Variants in PSMA4 observed in about 807,000 individuals in gnomAD.
The protein encoded by PSMA4 is proteasome subunit alpha type-4.
In PSMA4, 8 loss-of-function variants were observed where a neutral mutation model predicts 37.2. The ratio of observed to expected loss-of-function variants is 0.22; its 90% CI spans 0.13 to 0.39. The LOEUF is 0.39. PSMA4 is among the 10% of genes least tolerant of loss of function. PSMA4 has a pLI of 1.00. For synonymous variants in PSMA4, 93 were observed against 98.8 expected, an observed-to-expected ratio of 0.94 and a Z score of 0.35; for missense variants, 169 against 305.1, an observed-to-expected ratio of 0.55 and a Z score of 3.32.
At position 78,550,403 on chromosome 15, in the gene PSMA4, T is replaced by G. The variant is rs988955357; in HGVS notation, c.*1459T>G. ...CTGGAGTGCAGTGGCGTGATCATAT[T>G]TCACTGCAGGCTCAAACGGTCTTCC... On this transcript the variant is annotated 3_prime_UTR_variant, in exon 9 of 9. Coordinates refer to ENST00000044462, the MANE Select transcript of PSMA4 (RefSeq NM_002789.6). 2 of 152,342 alleles carry G rather than the reference T, an allele frequency of 1.3e-5. No homozygotes were observed. Among genetic ancestry groups the G allele is most frequent in the African/African-American group, 4.8e-5 (2 of 41,450 alleles). The allele number at this position is 152,342 out of a possible 1,614,324, so 9.4% of individuals were successfully genotyped here.
intron 4 of PSMA4, among the ~76,000 whole-genome samples, chr15:78,543,498 CCT>C (rs2052493060): frequency 6.6e-6 from 1 of 152,084 alleles, no homozygotes; most frequent in Admixed American, 6.6e-5. Context: ...GCCATTGTCC[CCT>C]GTCACCTCTG....
Position 78,546,672 on chromosome 15 carries a change from A to C in PSMA4, c.605A>C (p.Asp202Ala). The change falls in exon 8 of 9, where the codon GAT becomes GCT. Residue 202 changes from aspartate to alanine, a missense_variant. Coordinates refer to ENST00000044462, the MANE Select transcript of PSMA4 (RefSeq NM_002789.6). ...LAIKVLNKTM[D>A]VSKLSAEKVE... ...ATCAAAGTACTAAATAAGACCATGG[A>C]TGTTAGTAAACTCTCTGCTGAAAAA... 1 of 1,601,812 alleles carries C rather than the reference A, an allele frequency of 6.2e-7. No homozygotes were observed. Among genetic ancestry groups the C allele is most frequent in the Non-Finnish European group, 8.5e-7 (1 of 1,176,584 alleles).
rs1183206290 is a variant in PSMA4 at position 78,551,660 on chromosome 15, C to T, written c.*2716C>T. 1.3e-5 allele frequency: 2 copies of T among 152,058 alleles called. No homozygotes were observed. The highest frequency in any genetic ancestry group is 1.9e-4 in the East Asian group (1 of 5,174). The allele number at this position is 152,058 out of a possible 1,614,324, so 9.4% of individuals were successfully genotyped here. A position where few individuals can be genotyped will look rare whatever the true frequency, so the allele number is the denominator to read the frequency against. ...CAGTACTTTGTTTTCATTCAATAGT[C>T]GTGTCTCGGTACCTAGAACAGAAAC... On this transcript the variant is annotated 3_prime_UTR_variant, in exon 9 of 9. Transcript: ENST00000044462.
rs41280048 is a variant in PSMA4, at chr15:78,549,249, G to A, written c.*305G>A. 2,911 of 206,528 alleles carry A rather than the reference G, an allele frequency of 0.014. 31 individuals carry two copies. Among genetic ancestry groups the A allele is most frequent in the South Asian group, 0.031 (197 of 6,264 alleles). 12.8% of individuals were successfully genotyped at this position (206,528 alleles called of 1,614,324 possible). On this transcript the variant is annotated 3_prime_UTR_variant, in exon 9 of 9. Coordinates refer to ENST00000044462, the MANE Select transcript of PSMA4 (RefSeq NM_002789.6). The stretch of plus-strand genomic sequence containing the variant: ...TTAAATATACAAAAACTGACAGGGC[G>A]ATTACTTTTTGCACATTGTGGCTTA...
chr15:78,541,556 G>C (rs1309487580), intron 1 of PSMA4: 1 of 298,392 alleles, frequency 3.4e-6, no homozygotes, highest in African/African-American at 2.3e-5. Flanking sequence ...CTTTCTCTTA[G>C]ACCCAAGGGT....
chr15:78,546,217 G>A (rs1188346669), intron 7 of PSMA4, among the ~76,000 whole-genome samples: 1 of 152,174 alleles, frequency 6.6e-6, no homozygotes. Context: ...GCCGAGGCAG[G>A]CAAATTGCTC....
At chr15:78,544,994 TAA>T (rs747824240) in intron 6 of PSMA4, 37 bp downstream of exon 6, 2 of 1,467,130 alleles carry the variant, frequency 1.4e-6, no homozygotes, top group Non-Finnish European at 1.9e-6. Flanking sequence ...TCGAAAAAGT[TAA>T]GACATTTTAT....
chr15:78,541,375 T>G (rs574439125), intron 1 of PSMA4: 51 of 159,214 alleles, frequency 3.2e-4, no homozygotes, highest in African/African-American at 1.1e-3. Context: ...GGCCTCAGCC[T>G]CTTGCCTTGG....
chr15:78,545,109 G>GTTTCAGTGATGTTC, intron 6 of PSMA4, 152 bp downstream of exon 6: 1 of 568,036 alleles, frequency 1.8e-6, no homozygotes, highest in Non-Finnish European at 3.1e-6. Context: ...ACATATTCAT[G>GTTTCAGTGATGTTC]AGGTACATAA....
intron 3 of PSMA4, 118 bp from the exon 4 acceptor site, chr15:78,542,365 C>A: frequency 7.1e-7 from 1 of 1,399,810 alleles, no homozygotes; most frequent in Non-Finnish European, 9.8e-7. Flanking sequence ...GTTGATTATA[C>A]CATAGAAGAG....
In PSMA4 at chr15:78,550,829, G is replaced by T. The variant is rs1000771959; in HGVS notation, c.*1885G>T. On this transcript the variant is annotated 3_prime_UTR_variant, in exon 9 of 9. Transcript: ENST00000044462. ...GGGTACTCAAAATTTTCACCACTCT[G>T]CATGTCAACAAATGACTAAAAGTAC... is the stretch of plus-strand genomic sequence containing the variant. The T allele has an allele frequency of 6.6e-6, 1 of 152,130 alleles. No homozygotes were observed. The highest frequency in any genetic ancestry group is 1.5e-5 in the Non-Finnish European group (1 of 68,032). The allele number at this position is 152,130 out of a possible 1,614,324, so 9.4% of individuals were successfully genotyped here. A position where few individuals can be genotyped will look rare whatever the true frequency, so the allele number is the denominator to read the frequency against.
chr15:78,547,421 A>T lies in PSMA4; in HGVS notation c.631+723A>T, dbSNP rs536141356. Among the ~76,000 whole-genome samples the T allele has an allele frequency of 7.9e-5, 12 of 152,348 alleles. No homozygotes were observed. In the East Asian group the frequency reaches 2.1e-3, roughly 27 times the overall value. On this transcript the variant is annotated intron_variant, in intron 8 of 8. Transcript: ENST00000044462. Reference sequence around the variant, plus strand: ...ATAGGTTTGGTATACTTTACCAGAGATACAACATTTGCGTGGGTTGTGATA... The same window carrying T: ...ATAGGTTTGGTATACTTTACCAGAGTTACAACATTTGCGTGGGTTGTGATA...
At position 78,550,679 on chromosome 15, in the gene PSMA4, T is replaced by C. The variant is rs1205109097; in HGVS notation, c.*1735T>C. ...CTGGGTGCCATTTGAAATAGTAAAA[T>C]CACTAAGAAAAATGCAAAAATAAAC... On this transcript the variant is annotated 3_prime_UTR_variant, in exon 9 of 9. Transcript: ENST00000044462. 1.3e-5 allele frequency: 2 copies of C among 151,908 alleles called. No homozygotes were observed. Among genetic ancestry groups the C allele is most frequent in the African/African-American group, 4.8e-5 (2 of 41,296 alleles). 9.4% of individuals were successfully genotyped at this position (151,908 alleles called of 1,614,324 possible). A position where few individuals can be genotyped will look rare whatever the true frequency, so the allele number is the denominator to read the frequency against.
Position 78,548,864 on chromosome 15 carries a change from T to C in PSMA4, c.706T>C (p.Leu236=), listed in dbSNP as rs1279235249. The C allele has an allele frequency of 7.4e-6, 12 of 1,612,920 alleles. No individual in the cohort carries two copies. Among genetic ancestry groups the C allele is most frequent in the African/African-American group, 1.3e-5 (1 of 74,856 alleles). ...TCTCAAACAAAAAGAAGTGGAGCAG[T>C]TGATCAAAAAACATGAGGAAGAAGA... is the stretch of plus-strand genomic sequence containing the variant. ...RVLKQKEVEQ[L]IKKHEEEEAK... is the part of the protein sequence containing the mutation. Residue 236 remains leucine, a synonymous_variant, in exon 9 of 9, where the codon TTG becomes CTG. Transcript: ENST00000044462.
At chr15:78,543,587 G>A (rs868863609) in intron 4 of PSMA4, among the ~76,000 whole-genome samples, 2 of 37,698 alleles carry the variant, frequency 5.3e-5, no homozygotes, top group South Asian at 1.5e-3. Context: ...TTTTTTTTTT[G>A]AGACAGATTC....
chr15:78,544,541 C>T (rs1482454570), intron 5 of PSMA4: 7 of 424,330 alleles, frequency 1.6e-5, no homozygotes, highest in South Asian at 6.4e-5. Flanking sequence ...CCTCGTGATC[C>T]GCCTGCCTTG....
At chr15:78,548,717 G>A (rs2052599740) in intron 8 of PSMA4, 73 bp from the exon 9 acceptor site, 4 of 1,534,528 alleles carry the variant, frequency 2.6e-6, no homozygotes, top group East Asian at 2.3e-5. Context: ...TAAACCATGA[G>A]TGCCTATTAA....
chr15:78,548,723 A>G lies in PSMA4; in HGVS notation c.632-67A>G, dbSNP rs1033739418. ...TGGCGAGCATAAACCATGAGTGCCT[A>G]TTAAGCTTCTCTGCTAAGTATGCCT... On this transcript the variant is annotated intron_variant, in intron 8 of 8. Coordinates refer to ENST00000044462, the MANE Select transcript of PSMA4 (RefSeq NM_002789.6). 35 of 1,548,520 alleles carry G rather than the reference A, an allele frequency of 2.3e-5. No individual in the cohort carries two copies. In the East Asian group the frequency reaches 7.2e-4, roughly 32 times the overall value.
rs1002185577 is a variant in PSMA4 at position 78,551,610 on chromosome 15, C to G, written c.*2666C>G. The G allele has an allele frequency of 3.9e-5, 6 of 151,944 alleles. No homozygotes were observed. Among genetic ancestry groups the G allele is most frequent in the African/African-American group, 1.5e-4 (6 of 41,344 alleles). 9.4% of individuals were successfully genotyped at this position (151,944 alleles called of 1,614,324 possible). ...CTGGCATATTTGTTTCTTGTCTCTC[C>G]CCACTGGAATACAGACTTCCAGAGC... On this transcript the variant is annotated 3_prime_UTR_variant, in exon 9 of 9. Transcript: ENST00000044462.
Sources: allele counts gnomAD v4.1 joint callset (sites outside exome capture counted in the v4.1 genomes callset), GRCh38; gene constraint gnomAD v4.1.1; transcripts MANE v1.5; gene names NCBI Gene and HGNC (gene_info 2026-07-23, HGNC 2026-07-21).